The following ANKRD36 variants were observed in gnomAD, a reference collection of about 807,000 sequenced individuals.
ANKRD36 encodes ankyrin repeat domain-containing protein 36A.
A neutral mutation model predicts 278.1 loss-of-function variants in ANKRD36; 179 were observed. The ratio of observed to expected loss-of-function variants is 0.64; its 90% confidence interval spans 0.57 to 0.73. The LOEUF is 0.73. Among genes scored for constraint, ANKRD36 ranks in the 30% least tolerant of loss-of-function variants. The pLI is 0.00. For missense variants in ANKRD36, 1,159 were observed against 1,956.7 expected (o/e 0.59, Z 7.69); for synonymous variants, 320 against 641.1 (o/e 0.50, Z 7.57).
At chr2:97,187,174 T>A (rs1156335932) in intron 30 of ANKRD36, 24 bp from the exon 31 acceptor site, 4 of 1,609,112 alleles carry the variant, frequency 2.5e-6, no homozygotes, top group Non-Finnish European at 3.4e-6. Flanking sequence ...ATATGAGTGA[T>A]TATGTATCCC....
At chr2:97,229,912 GA>G (rs1175910275) in intron 67 of ANKRD36, among the ~76,000 whole-genome samples, 3 of 152,030 alleles carry the variant, frequency 2.0e-5, no homozygotes. Context: ...AGTTTGGCAG[GA>G]TATGAAATTC....
intron 44 of ANKRD36, among the ~76,000 whole-genome samples, chr2:97,198,997 T>A (rs1312858946): frequency 2.0e-5 from 3 of 151,900 alleles, no homozygotes; most frequent in African/African-American, 4.8e-5. Flanking sequence ...GTATAGAATT[T>A]ACACACTTCA....
chr2:97,260,863 A>G (rs1380059631), intron 75 of ANKRD36, among the ~76,000 whole-genome samples: 3 of 113,548 alleles, frequency 2.6e-5, no homozygotes, highest in African/African-American at 1.3e-4. Context: ...TTTACCTTGC[A>G]CTTTTATGTT....
intron 66 of ANKRD36, among the ~76,000 whole-genome samples, chr2:97,220,814 ATGTGCACAT>A (rs1389659512): frequency 6.8e-5 from 9 of 132,690 alleles, no homozygotes; most frequent in Non-Finnish European, 1.4e-4. Flanking sequence ...TTTAGGGTAC[ATGTGCACAT>A]TGTGCAGGTT....
intron 28 of ANKRD36, 146 bp downstream of exon 28, chr2:97,183,800 T>C (rs1034822235): frequency 8.7e-7 from 1 of 1,148,758 alleles, no homozygotes; most frequent in South Asian, 1.6e-5. Flanking sequence ...AGTTGTCAGG[T>C]GGTGCTGATG....
intron 11 of ANKRD36, 143 bp from the exon 12 acceptor site, chr2:97,149,152 T>C (rs369558824): frequency 1.5e-6 from 1 of 671,250 alleles, no homozygotes; most frequent in Non-Finnish European, 2.5e-6. Flanking sequence ...CCAAGAAATA[T>C]TATTTAACAT....
intron 6 of ANKRD36, among the ~76,000 whole-genome samples, chr2:97,130,250 G>A (rs2039743001): frequency 6.6e-6 from 1 of 152,014 alleles, no homozygotes; most frequent in Admixed American, 6.6e-5. Context: ...TATACACCAT[G>A]GGATACTATG....
intron 24 of ANKRD36, among the ~76,000 whole-genome samples, chr2:97,180,943 C>T (rs921745317): frequency 2.6e-5 from 4 of 151,576 alleles, no homozygotes; most frequent in Non-Finnish European, 5.9e-5. Flanking sequence ...AATATATTAT[C>T]GTTTGTTGCC....
chr2:97,167,065 G>C (rs1252841672), intron 20 of ANKRD36, among the ~76,000 whole-genome samples: 2 of 151,512 alleles, frequency 1.3e-5, no homozygotes, highest in Non-Finnish European at 2.9e-5. Flanking sequence ...GGAGTGTAAT[G>C]TATACTTTTT....
chr2:97,208,314 G>A (rs1277625651), intron 54 of ANKRD36, among the ~76,000 whole-genome samples: 3 of 146,700 alleles, frequency 2.0e-5, no homozygotes, highest in Non-Finnish European at 3.0e-5. Flanking sequence ...TTCAGTAAGG[G>A]TGGAAGGAGA....
intron 30 of ANKRD36, among the ~76,000 whole-genome samples, chr2:97,185,840 G>A (rs1413140635): frequency 2.0e-5 from 3 of 151,756 alleles, no homozygotes; most frequent in Non-Finnish European, 4.4e-5. Flanking sequence ...ATGAGTTGAA[G>A]TATAGATTTT....
chr2:97,140,134 C>G (rs1402812847), intron 6 of ANKRD36, among the ~76,000 whole-genome samples: 1 of 151,612 alleles, frequency 6.6e-6, no homozygotes, highest in African/African-American at 2.4e-5. Context: ...TCATGGCACT[C>G]TGCTCTTCTT....
intron 26 of ANKRD36, among the ~76,000 whole-genome samples, chr2:97,182,210 C>T (rs897773824): frequency 1.3e-5 from 2 of 150,350 alleles, no homozygotes; most frequent in Non-Finnish European, 3.0e-5. Context: ...AAGGAGACCA[C>T]TGATGTAGCA....
At chr2:97,197,326 C>T (rs558835323) in intron 42 of ANKRD36, among the ~76,000 whole-genome samples, 1 of 152,040 alleles carries the variant, frequency 6.6e-6, no homozygotes, top group Admixed American at 6.6e-5. Context: ...AGTGAACTCA[C>T]TTCAGATGCA....
intron 5 of ANKRD36, among the ~76,000 whole-genome samples, chr2:97,125,608 T>C (rs2038376363): frequency 6.6e-6 from 1 of 151,326 alleles, no homozygotes; most frequent in South Asian, 2.1e-4. Flanking sequence ...AGACTTTTTA[T>C]ATAAACAGCG....
intron 42 of ANKRD36, among the ~76,000 whole-genome samples, chr2:97,197,939 A>T (rs1416780407): frequency 1.3e-5 from 2 of 151,874 alleles, no homozygotes; most frequent in African/African-American, 4.8e-5. Flanking sequence ...ATCCAAGGTG[A>T]TCAATTTAGG....
rs1382822812 is a variant in ANKRD36 at position 97,160,990 on chromosome 2, A to G, written c.1390-1109A>G. On this transcript the variant is annotated intron_variant, in intron 17 of 75. Transcript: ENST00000420699. ...TCCAGTATAGAAATATATAATTGAA[A>G]TTTTGAATCCCATATTTTGTTTTCT... Among the ~76,000 whole-genome samples, 3 of 152,090 alleles carry G rather than the reference A, an allele frequency of 2.0e-5. No individual in the cohort carries two copies. In the East Asian group the frequency reaches 5.8e-4, roughly 29 times the overall value.
intron 6 of ANKRD36, among the ~76,000 whole-genome samples, chr2:97,140,796 T>C (rs1201693257): frequency 6.6e-6 from 1 of 151,984 alleles, no homozygotes; most frequent in African/African-American, 2.4e-5. Flanking sequence ...GGGCAAAGAA[T>C]GAAGTCCACC....
intron 67 of ANKRD36, among the ~76,000 whole-genome samples, chr2:97,231,441 G>A (rs2072048276): frequency 6.6e-6 from 1 of 152,290 alleles, no homozygotes; most frequent in African/African-American, 2.4e-5. Context: ...TCTGAGCCAG[G>A]TGCAGGATAT....
Sources: allele counts gnomAD v4.1 joint callset (sites outside exome capture counted in the v4.1 genomes callset), GRCh38; gene constraint gnomAD v4.1.1; transcripts MANE v1.5; gene names NCBI Gene and HGNC (gene_info 2026-07-23, HGNC 2026-07-21).